SBF1: variants seen among roughly 807,000 people sequenced by gnomAD.
SBF1 encodes SET binding factor 1, also known as myotubularin-related protein 5.
A neutral mutation model predicts 215.8 loss-of-function variants in SBF1; 65 were observed. The observed-to-expected ratio is 0.30, with a 90% CI of 0.25 to 0.37. SBF1 has a LOEUF of 0.37. Among genes scored for constraint, SBF1 ranks in the 10% least tolerant of loss-of-function variants. SBF1 has a pLI of 1.00. For synonymous variants in SBF1, 1,410 were observed against 1,122.8 expected (o/e 1.26, Z -5.11); for missense variants, 2,634 against 2,667.8 (o/e 0.99, Z 0.28).
Position 50,459,648 on chromosome 22 carries a change from G to T in SBF1, c.3510C>A (p.Ile1170=), listed in dbSNP as rs13056317. The T allele has an allele frequency of 6.8e-6, 11 of 1,606,956 alleles. No homozygotes were observed. Among genetic ancestry groups the T allele is most frequent in the African/African-American group, 2.7e-5 (2 of 74,696 alleles). ...CGTTGTCCTGGACACTCTGGGGCAC[G>T]ATCAGCAGCCCTGGGTAGCTGAGAG... is the stretch of plus-strand genomic sequence containing the variant. ...AICRSYPGLL[I]VPQSVQDNAL... The change falls in exon 27 of 41, where the codon ATC becomes ATA. Residue 1170 remains isoleucine, a synonymous_variant. Transcript: ENST00000380817.
chr22:50,460,260 C>A lies in SBF1; in HGVS notation c.3283+12G>T, dbSNP rs753794307. On this transcript the variant is annotated intron_variant, in intron 25 of 40. Coordinates refer to ENST00000380817, the MANE Select transcript of SBF1 (RefSeq NM_002972.4). The stretch of plus-strand genomic sequence containing the variant: ...CCAGAGACCACCCAGGACTCCACCC[C>A]CACCCCTCCACCTGAGATCTCGTCC... 5.6e-6 allele frequency: 9 copies of A among 1,601,232 alleles called. No homozygotes were observed. The East Asian group carries it at 2.0e-4, about 36-fold the overall frequency.
At position 50,459,937 on chromosome 22, in the gene SBF1, C is replaced by G; in HGVS notation, c.3491+15G>C. ...CACGTGTCCACCACCCGGGCCAGCC[C>G]TGGCCGGCCCTCACCTGCGGCAGAT... On this transcript the variant is annotated intron_variant, in intron 26 of 40. Coordinates refer to ENST00000380817, the MANE Select transcript of SBF1 (RefSeq NM_002972.4). The G allele has an allele frequency of 6.2e-7, 1 of 1,612,762 alleles. No individual in the cohort carries two copies. The highest frequency in any genetic ancestry group is 8.5e-7 in the Non-Finnish European group (1 of 1,179,342).
Position 50,464,677 on chromosome 22 carries a change from A to G in SBF1, c.1493T>C (p.Leu498Pro), listed in dbSNP as rs757323276. Residue 498 changes from leucine to proline, a missense_variant, in exon 14 of 41, where the codon CTG (leucine) becomes CCG (proline). Transcript: ENST00000380817. ...GGGGAAGGGTCGGGGCACCCGTCGC[A>G]GGTGGCTGCTCTCACCGGGCCTCTG... is the stretch of plus-strand genomic sequence containing the variant. Reference protein sequence around the residue: ...KVQRPGESSHLRRVPRPFPRL... With the variant: ...KVQRPGESSHPRRVPRPFPRL... 7.5e-6 allele frequency: 12 copies of G among 1,607,796 alleles called. No individual in the cohort carries two copies. The East Asian group carries it at 2.5e-4, about 33-fold the overall frequency.
intron 26 of SBF1, 78 bp downstream of exon 26, chr22:50,459,874 G>A (rs539925007): frequency 7.2e-4 from 1,088 of 1,519,448 alleles, no homozygotes; most frequent in Middle Eastern, 1.9e-3. Flanking sequence ...ACCAGAAGCC[G>A]TGGCCCAGGC....
At chr22:50,468,302 C>T in intron 2 of SBF1, 74 bp downstream of exon 2, 1 of 1,416,504 alleles carries the variant, frequency 7.1e-7, no homozygotes, top group Non-Finnish European at 9.8e-7. Flanking sequence ...GCCCCTCAGT[C>T]AGGGACAAGG....
chr22:50,464,992 G>C lies in SBF1; in HGVS notation c.1332+9C>G. The C allele has an allele frequency of 6.2e-7, 1 of 1,613,946 alleles. No homozygotes were observed. The highest frequency in any genetic ancestry group is 8.5e-7 in the Non-Finnish European group (1 of 1,179,950). Reference sequence around the variant, plus strand: ...GGCAGGGGGCTGGGAGGGCAGGGTGGAGGTGCACCTCATCGAACAGGTCCG... The same window carrying C: ...GGCAGGGGGCTGGGAGGGCAGGGTGCAGGTGCACCTCATCGAACAGGTCCG... On this transcript the variant is annotated intron_variant, in intron 12 of 40. Transcript: ENST00000380817.
At chr22:50,447,968 C>T (rs957229706) in intron 38 of SBF1, among the ~76,000 whole-genome samples, 1 of 152,190 alleles carries the variant, frequency 6.6e-6, no homozygotes, top group African/African-American at 2.4e-5. Flanking sequence ...GTAGAAGCAG[C>T]CACGGCAGCA....
chr22:50,456,510 C>A lies in SBF1; in HGVS notation c.4068G>T (p.Gly1356=). 6.9e-7 allele frequency: 1 copy of A among 1,445,596 alleles called. No individual in the cohort carries two copies. The allele number at this position is 1,445,596 out of a possible 1,614,324, so 89.5% of individuals were successfully genotyped here. A position where few individuals can be genotyped will look rare whatever the true frequency, so the allele number is the denominator to read the frequency against. ...CAGTCACCTTGAGCTGGGCTTTGTC[C>A]CCAAGGATATAGAGGGCTGCTCGCT... ...RPQRAALYIL[G]DKAQLKGVRS... The change falls in exon 30 of 41, where the codon GGG becomes GGT. Residue 1356 remains glycine (G), a synonymous_variant. Coordinates refer to ENST00000380817, the MANE Select transcript of SBF1 (RefSeq NM_002972.4).
At chr22:50,450,949 A>T (rs1177925021) in intron 36 of SBF1, among the ~76,000 whole-genome samples, 1 of 152,128 alleles carries the variant, frequency 6.6e-6, no homozygotes, top group Non-Finnish European at 1.5e-5. Flanking sequence ...CTTTATATAT[A>T]TTTTTAAGTT....
rs1484293381 is a variant in SBF1, at chr22:50,456,376, A to G, written c.4106T>C (p.Leu1369Pro). Residue 1369 changes from leucine to proline, a missense_variant, in exon 31 of 41, where the codon CTG becomes CCG. By Grantham distance (98) the Leu-to-Pro change is moderately conservative (BLOSUM62 -3). Coordinates refer to ENST00000380817, the MANE Select transcript of SBF1 (RefSeq NM_002972.4). ...AQLKGVRSDPLQQWELVPIEV... is the reference protein window; with the variant it reads ...AQLKGVRSDPPQQWELVPIEV... ...AATGGGCACCAGCTCCCACTGCTGC[A>G]GGGGGTCTGACCGCACACCCTGAAA... The G allele has an allele frequency of 1.9e-6, 3 of 1,612,814 alleles. No homozygotes were observed. The highest frequency in any genetic ancestry group is 1.7e-5 in the Admixed American group (1 of 60,022).
chr22:50,448,264 T>C lies in SBF1; in HGVS notation c.5332A>G (p.Ser1778Gly). 6.2e-7 allele frequency: 1 copy of C among 1,612,946 alleles called. No homozygotes were observed. Among genetic ancestry groups the C allele is most frequent in the Non-Finnish European group, 8.5e-7 (1 of 1,179,954 alleles). The stretch of plus-strand genomic sequence containing the variant: ...TCACTCTCTGCTGTCTGGAACTGGC[T>C]GTACAGGGTGCTGGTGCTGCGGCGG... Reference protein sequence around the residue: ...AARRSTSTLYSQFQTAESENR... With the variant: ...AARRSTSTLYGQFQTAESENR... Residue 1778 changes from serine to glycine, a missense_variant, in exon 38 of 41, where the codon AGC (serine) becomes GGC (glycine). Physicochemically the swap from Ser to Gly is moderately conservative, Grantham distance 56. Transcript: ENST00000380817.
intron 1 of SBF1, among the ~76,000 whole-genome samples, chr22:50,471,996 C>G (rs138179693): frequency 6.6e-6 from 1 of 152,222 alleles, no homozygotes; most frequent in Non-Finnish European, 1.5e-5. Flanking sequence ...CAGGTCAGGG[C>G]CAGATCAAAT....
intron 28 of SBF1, among the ~76,000 whole-genome samples, chr22:50,457,604 G>C (rs1034160515): frequency 6.6e-6 from 1 of 152,248 alleles, no homozygotes; most frequent in Non-Finnish European, 1.5e-5. Context: ...AGGGGAGAGG[G>C]TGGGCTCAGA....
At position 50,461,516 on chromosome 22, in the gene SBF1, G is replaced by C; in HGVS notation, c.2839+7C>G. The C allele has an allele frequency of 6.3e-7, 1 of 1,590,628 alleles. No homozygotes were observed. Among genetic ancestry groups the C allele is most frequent in the Non-Finnish European group, 8.6e-7 (1 of 1,164,314 alleles). ...GGGCGACAGGGCCAGAGAGTCTGCA[G>C]GCTCACCCAGGGGGTCCGTGGGCAT... On this transcript the variant is annotated splice_region_variant and intron_variant, in intron 22 of 40. Coordinates refer to ENST00000380817, the MANE Select transcript of SBF1 (RefSeq NM_002972.4).
intron 4 of SBF1, 34 bp downstream of exon 4, chr22:50,467,498 C>T (rs377026480): frequency 2.4e-5 from 39 of 1,613,656 alleles, no homozygotes; most frequent in Middle Eastern, 1.6e-4. Flanking sequence ...GAAGCACCCT[C>T]GTCGTGCCTC....
chr22:50,446,910 T>A lies in SBF1; in HGVS notation c.*232A>T. ...GGGGCCGGACTATTTACAGGCCCATTGCGGGCTGTACCTTGGCCACCTCCC... is the reference window on the plus strand; with the variant it reads ...GGGGCCGGACTATTTACAGGCCCATAGCGGGCTGTACCTTGGCCACCTCCC... On this transcript the variant is annotated 3_prime_UTR_variant, in exon 41 of 41. Coordinates refer to ENST00000380817, the MANE Select transcript of SBF1 (RefSeq NM_002972.4). 1 of 732,080 alleles carries A rather than the reference T, an allele frequency of 1.4e-6. No individual in the cohort carries two copies. Among genetic ancestry groups the A allele is most frequent in the Non-Finnish European group, 2.5e-6 (1 of 401,710 alleles). 45.3% of individuals were successfully genotyped at this position (732,080 alleles called of 1,614,324 possible).
intron 40 of SBF1, 26 bp downstream of exon 40, chr22:50,447,296 T>C (rs372302426): frequency 6.2e-7 from 1 of 1,612,880 alleles, no homozygotes; most frequent in African/African-American, 1.3e-5. Context: ...GCCCCTCCCC[T>C]CTCCCAAGCC....
At position 50,474,975 on chromosome 22, in the gene SBF1, G is replaced by A. The variant is rs2068126517; in HGVS notation, c.-135C>T. ...ACCCCTGGTTCGCTCCGCGGCGGCG[G>A]CGGCGGCGGCGGCGGCGGCCCAGGT... On this transcript the variant is annotated 5_prime_UTR_variant, in exon 1 of 41. Coordinates refer to ENST00000380817, the MANE Select transcript of SBF1 (RefSeq NM_002972.4). 3.2e-6 allele frequency: 1 copy of A among 313,094 alleles called. No homozygotes were observed. The highest frequency in any genetic ancestry group is 4.1e-5 in the African/African-American group (1 of 24,628). 19.4% of individuals were successfully genotyped at this position (313,094 alleles called of 1,614,324 possible). A position where few individuals can be genotyped will look rare whatever the true frequency, so the allele number is the denominator to read the frequency against.
At chr22:50,458,327 C>CAGGGCTG (rs2067344394) in intron 28 of SBF1, among the ~76,000 whole-genome samples, 2 of 139,100 alleles carry the variant, frequency 1.4e-5, no homozygotes, top group Non-Finnish European at 3.1e-5. Context: ...AAAAAAAGGT[C>CAGGGCTG]AGGGCTGGGA....
Sources: gnomAD v4.1 joint callset for allele counts (sites outside exome capture counted in the v4.1 genomes callset) on GRCh38, gnomAD v4.1.1 for gene constraint, MANE v1.5 for transcripts, NCBI Gene and HGNC (gene_info 2026-07-23, HGNC 2026-07-21) for gene names.